USP8: variants seen among roughly 807,000 people sequenced by gnomAD.
The protein encoded by USP8 is ubiquitin carboxyl-terminal hydrolase 8.
Under a neutral mutation model 130.0 loss-of-function variants are expected in USP8, and 27 were observed. That is an observed-to-expected ratio of 0.21 (90% confidence interval 0.15 to 0.29). The LOEUF (loss-of-function observed/expected upper bound fraction) is 0.29, where lower values mean the gene tolerates loss of function less well. USP8 is among the 10% of genes least tolerant of loss of function. The probability of loss-of-function intolerance (pLI) is 1.00; values close to 1 mark genes in which losing one functional copy is unlikely to be tolerated. For missense variants in USP8, 1,029 were observed against 1,312.2 expected (o/e 0.78, Z 3.33); for synonymous variants, 392 against 444.1 (o/e 0.88, Z 1.48).
chr15:50,506,202 A>C lies in USP8; in HGVS notation c.*7114A>C, dbSNP rs1195034225. On this transcript the variant is annotated 3_prime_UTR_variant, in exon 20 of 20. Coordinates refer to ENST00000307179, the MANE Select transcript of USP8 (RefSeq NM_005154.5). ...CAAGAACAACAGGGGAAAACAACACAGCAGAGGTCCCCAACCCCCCCAGGC... is the reference window on the plus strand; with the variant it reads ...CAAGAACAACAGGGGAAAACAACACCGCAGAGGTCCCCAACCCCCCCAGGC... 1 of 152,512 alleles carries C rather than the reference A, an allele frequency of 6.6e-6. No individual in the cohort carries two copies. Among genetic ancestry groups the C allele is most frequent in the Non-Finnish European group, 1.5e-5 (1 of 68,274 alleles). The allele number at this position is 152,512 out of a possible 1,614,324, so 9.4% of individuals were successfully genotyped here. A position where few individuals can be genotyped will look rare whatever the true frequency, so the allele number is the denominator to read the frequency against.
intron 1 of USP8, among the ~76,000 whole-genome samples, chr15:50,429,451 G>A (rs549173892): frequency 6.6e-6 from 1 of 151,750 alleles, no homozygotes; most frequent in African/African-American, 2.4e-5. Flanking sequence ...ATATTATTTT[G>A]TTGCTCCTAG....
intron 12 of USP8, among the ~76,000 whole-genome samples, chr15:50,488,278 C>CA (rs1451687802): frequency 1.3e-5 from 2 of 152,142 alleles, no homozygotes; most frequent in Admixed American, 6.5e-5. Context: ...TTTTTATATA[C>CA]AGTGTGGTAA....
chr15:50,471,450 A>C (rs998052800), intron 7 of USP8, among the ~76,000 whole-genome samples, 183 bp from the exon 8 acceptor site: 3 of 152,214 alleles, frequency 2.0e-5, no homozygotes, highest in Admixed American at 6.5e-5. Context: ...ATTATACAGT[A>C]GTGAAGGGGT....
rs958962698 is a variant in USP8, at chr15:50,506,941, G to C, written c.*7853G>C. 1 of 111,114 alleles carries C rather than the reference G, an allele frequency of 9.0e-6. No individual in the cohort carries two copies. The highest frequency in any genetic ancestry group is 1.7e-5 in the Non-Finnish European group (1 of 60,322). 6.9% of individuals were successfully genotyped at this position (111,114 alleles called of 1,614,324 possible). ...CCACTGCATTCCAGCCTGGGCGACA[G>C]AGCGAGACTTCATCTCAAAAAAAAA... On this transcript the variant is annotated 3_prime_UTR_variant, in exon 20 of 20. Coordinates refer to ENST00000307179, the MANE Select transcript of USP8 (RefSeq NM_005154.5).
Position 50,465,188 on chromosome 15 carries a change from C to A in USP8, c.683C>A (p.Pro228Gln). The A allele has an allele frequency of 6.2e-7, 1 of 1,613,226 alleles. No individual in the cohort carries two copies. Among genetic ancestry groups the A allele is most frequent in the East Asian group, 2.2e-5 (1 of 44,868 alleles). The change falls in exon 7 of 20, where the codon CCA (proline) becomes CAA (glutamine). Residue 228 changes from proline (P) to glutamine (Q), a missense_variant. By Grantham distance (76) the Pro-to-Gln change is moderately conservative. Transcript: ENST00000307179. ...AGTGTTCCTGAAGAAGCCATCAGTCCAGGGTGGGTTATTGTGTAGTAAAGT... is the reference window on the plus strand; with the variant it reads ...AGTGTTCCTGAAGAAGCCATCAGTCAAGGGTGGGTTATTGTGTAGTAAAGT... Reference protein sequence around the residue: ...SLSVPEEAISPGVTASWIEAH... With the variant: ...SLSVPEEAISQGVTASWIEAH...
chr15:50,469,612 T>C (rs1252892603), intron 7 of USP8, among the ~76,000 whole-genome samples: 1 of 152,142 alleles, frequency 6.6e-6, no homozygotes, highest in East Asian at 1.9e-4. Flanking sequence ...GAAGATACAG[T>C]AACCAACATT....
intron 4 of USP8, among the ~76,000 whole-genome samples, chr15:50,451,260 A>C (rs1438877142): frequency 6.6e-6 from 1 of 152,158 alleles, no homozygotes; most frequent in Non-Finnish European, 1.5e-5. Flanking sequence ...ATGCAAAAAA[A>C]GTTAGCCGGG....
rs750757449 is a variant in USP8, at chr15:50,502,447, C to T, written c.*3359C>T. 10 of 152,462 alleles carry T rather than the reference C, an allele frequency of 6.6e-5. No homozygotes were observed. The highest frequency in any genetic ancestry group is 2.0e-4 in the Admixed American group (3 of 15,288). The allele number at this position is 152,462 out of a possible 1,614,324, so 9.4% of individuals were successfully genotyped here. Reference sequence around the variant, plus strand: ...GCAGTGACGTGATCTCAGCTCACCACAACCTCTGCTTCCTGGGTTAAAGCT... The same window carrying T: ...GCAGTGACGTGATCTCAGCTCACCATAACCTCTGCTTCCTGGGTTAAAGCT... On this transcript the variant is annotated 3_prime_UTR_variant, in exon 20 of 20. Coordinates refer to ENST00000307179, the MANE Select transcript of USP8 (RefSeq NM_005154.5).
chr15:50,475,919 T>C (rs1046940586), intron 8 of USP8, among the ~76,000 whole-genome samples: 2 of 152,130 alleles, frequency 1.3e-5, no homozygotes, highest in Admixed American at 1.3e-4. Flanking sequence ...TTTATATATA[T>C]TTTTAAGTGA....
chr15:50,492,865 A>G lies in USP8; in HGVS notation c.2399A>G (p.His800Arg), dbSNP rs1247327349. ...SILQCLCNAP[H>R]LADYFNRNCY... ...TTGCAGTGCCTATGTAACGCTCCAC[A>G]TTTGGCTGATTATTTCAACCGAAAC... Residue 800 changes from histidine (H) to arginine (R), a missense_variant, in exon 15 of 20, where the codon CAT becomes CGT. His to Arg is a conservative substitution (Grantham distance 29). Transcript: ENST00000307179. 4 of 1,613,988 alleles carry G rather than the reference A, an allele frequency of 2.5e-6. No homozygotes were observed. The African/African-American group carries it at 5.3e-5, about 22-fold the overall frequency.
rs1476652867 is a variant in USP8, at chr15:50,481,907, A to G, written c.1645A>G (p.Thr549Ala). The G allele has an allele frequency of 1.2e-6, 2 of 1,601,510 alleles. No homozygotes were observed. Among genetic ancestry groups the G allele is most frequent in the Non-Finnish European group, 8.5e-7 (1 of 1,175,504 alleles). ...ETSAKRGKEI[T>A]GVKRQSKSEH... ...CTCAGCAAAGAGGGGCAAAGAAATA[A>G]CAGGAGTAAAAAGACAAAGTAAAAG... is the stretch of plus-strand genomic sequence containing the variant. Residue 549 changes from threonine to alanine, a missense_variant, in exon 11 of 20, where the codon ACA becomes GCA. Around this residue, in one of 4 missense-constraint regions of USP8, gnomAD observed 486 missense variants for 522.0 expected, o/e 0.93. Coordinates refer to ENST00000307179, the MANE Select transcript of USP8 (RefSeq NM_005154.5).
chr15:50,458,089 G>A (rs907732057), intron 4 of USP8, among the ~76,000 whole-genome samples: 1 of 152,090 alleles, frequency 6.6e-6, no homozygotes, highest in Non-Finnish European at 1.5e-5. Flanking sequence ...GGGCAAACAA[G>A]ATTGCAGGTC....
rs672601311 is a variant in USP8 at position 50,490,450 on chromosome 15, C to T, written c.2159C>T (p.Pro720Leu). Residue 720 changes from proline (P) to leucine (L), a missense_variant, in exon 14 of 20, where the codon CCA (proline) becomes CTA (leucine). Physicochemically the swap from Pro to Leu is moderately conservative, Grantham distance 98. Coordinates refer to ENST00000307179, the MANE Select transcript of USP8 (RefSeq NM_005154.5). ...PSKLKRSYSS[P>L]DITQAIQEEE... is the part of the protein sequence containing the mutation. ...AAACTGAAGCGCTCCTACTCCTCCC[C>T]AGATATAACCCAGGCTATTCAAGAG... 1 of 1,614,136 alleles carries T rather than the reference C, an allele frequency of 6.2e-7. No homozygotes were observed.
rs901830448 is a variant in USP8, at chr15:50,465,199, A to G, written c.686+8A>G. ...AGAAGCCATCAGTCCAGGGTGGGTT[A>G]TTGTGTAGTAAAGTAGTAAACTGTG... On this transcript the variant is annotated splice_region_variant and intron_variant, in intron 7 of 19. Transcript: ENST00000307179. 4 of 1,612,214 alleles carry G rather than the reference A, an allele frequency of 2.5e-6. No homozygotes were observed. Among genetic ancestry groups the G allele is most frequent in the Non-Finnish European group, 3.4e-6 (4 of 1,179,168 alleles).
chr15:50,459,825 T>A (rs1230592473), intron 5 of USP8, among the ~76,000 whole-genome samples: 1 of 152,110 alleles, frequency 6.6e-6, no homozygotes, highest in African/African-American at 2.4e-5. Context: ...TCCCAAATTA[T>A]AGTCTTGAAA....
chr15:50,437,088 A>G (rs1306340369), intron 1 of USP8, among the ~76,000 whole-genome samples: 2 of 151,858 alleles, frequency 1.3e-5, no homozygotes, highest in Non-Finnish European at 2.9e-5. Context: ...TACTCTCTTC[A>G]TATTTATGTA....
intron 1 of USP8, among the ~76,000 whole-genome samples, chr15:50,436,390 AT>A (rs2050092549): frequency 6.6e-6 from 1 of 151,540 alleles, no homozygotes; most frequent in Non-Finnish European, 1.5e-5. Flanking sequence ...TTCTCTCTTA[AT>A]TTTTCTTATA....
intron 5 of USP8, 54 bp downstream of exon 5, chr15:50,459,216 T>C: frequency 6.4e-7 from 1 of 1,554,684 alleles, no homozygotes; most frequent in South Asian, 1.2e-5. Flanking sequence ...GTTAGATGAT[T>C]TGCTTAAAAA....
At chr15:50,490,594 C>T (rs2052124310) in intron 14 of USP8, 69 bp downstream of exon 14, 1 of 1,550,850 alleles carries the variant, frequency 6.4e-7, no homozygotes, top group South Asian at 1.2e-5. Flanking sequence ...CTGAATCTGT[C>T]AGTATGTTAG....
Sources: allele counts gnomAD v4.1 joint callset (sites outside exome capture counted in the v4.1 genomes callset), GRCh38; gene constraint gnomAD v4.1.1; regional missense constraint gnomAD v4.1.1; transcripts MANE v1.5; gene names NCBI Gene and HGNC (gene_info 2026-07-23, HGNC 2026-07-21).